CTNND2: variants seen among roughly 807,000 people sequenced by gnomAD.
CTNND2 encodes catenin delta 2.
A neutral mutation model predicts 144.4 loss-of-function variants in CTNND2; 22 were observed. The ratio of observed to expected loss-of-function variants is 0.15; its 90% CI spans 0.11 to 0.22. The LOEUF is 0.22. CTNND2 is among the 10% of genes least tolerant of loss of function. The probability of loss-of-function intolerance (pLI) is 1.00; values close to 1 mark genes in which losing one functional copy is unlikely to be tolerated. For missense variants in CTNND2, 1,353 were observed against 1,618.8 expected, an observed-to-expected ratio of 0.84 and a Z score of 2.82; for synonymous variants, 751 against 695.6, an observed-to-expected ratio of 1.08 and a Z score of -1.25.
chr5:11,600,381 A>G (rs1299694793), intron 2 of CTNND2, among the ~76,000 whole-genome samples: 1 of 152,208 alleles, frequency 6.6e-6, no homozygotes, highest in Admixed American at 6.6e-5. Flanking sequence ...TTATAGGTGA[A>G]CAATTGTACC....
chr5:11,215,043 A>G (rs1321892008), intron 10 of CTNND2, among the ~76,000 whole-genome samples: 1 of 152,120 alleles, frequency 6.6e-6, no homozygotes, highest in Non-Finnish European at 1.5e-5. Flanking sequence ...CTGTGTCCAC[A>G]GGGCTGAGAG....
At chr5:11,300,357 C>A (rs548848392) in intron 9 of CTNND2, among the ~76,000 whole-genome samples, 1 of 152,328 alleles carries the variant, frequency 6.6e-6, no homozygotes, top group South Asian at 2.1e-4. Context: ...GGAAACTATT[C>A]TGGTGGCCCT....
chr5:11,051,992 G>A (rs1018918965), intron 16 of CTNND2, among the ~76,000 whole-genome samples: 6 of 152,140 alleles, frequency 3.9e-5, no homozygotes, highest in African/African-American at 1.2e-4. Context: ...AAGCATGCAC[G>A]GTAATCCCAG....
At chr5:11,516,217 A>C (rs1325335813) in intron 3 of CTNND2, among the ~76,000 whole-genome samples, 2 of 152,176 alleles carry the variant, frequency 1.3e-5, no homozygotes, top group African/African-American at 2.4e-5. Context: ...TTATCTAATT[A>C]TAAGAAATAA....
intron 3 of CTNND2, among the ~76,000 whole-genome samples, chr5:11,503,076 T>C (rs1159106669): frequency 6.6e-6 from 1 of 152,196 alleles, no homozygotes; most frequent in Non-Finnish European, 1.5e-5. Flanking sequence ...GCAACAGAAA[T>C]GAGGCTAAAC....
chr5:11,595,703 T>C (rs1193786758), intron 2 of CTNND2, among the ~76,000 whole-genome samples: 1 of 152,222 alleles, frequency 6.6e-6, no homozygotes, highest in Non-Finnish European at 1.5e-5. Context: ...GCATACCTGA[T>C]GTTGTAAATT....
chr5:11,571,957 T>C (rs1461911425), intron 2 of CTNND2, among the ~76,000 whole-genome samples: 1 of 152,154 alleles, frequency 6.6e-6, no homozygotes, highest in Non-Finnish European at 1.5e-5. Context: ...CCTCTCAAAC[T>C]TGATGAAATA....
intron 1 of CTNND2, among the ~76,000 whole-genome samples, chr5:11,764,081 C>A (rs1347537473): frequency 6.6e-6 from 1 of 152,040 alleles, no homozygotes; most frequent in African/African-American, 2.4e-5. Flanking sequence ...TCACAGGGTC[C>A]TTATAAATGG....
chr5:11,227,799 G>A (rs1351971114), intron 10 of CTNND2, among the ~76,000 whole-genome samples: 2 of 152,142 alleles, frequency 1.3e-5, no homozygotes, highest in South Asian at 2.1e-4. Context: ...AATGATATAA[G>A]TATATTGCAA....
chr5:11,320,874 A>G (rs767579204), intron 9 of CTNND2, among the ~76,000 whole-genome samples: 6 of 152,242 alleles, frequency 3.9e-5, no homozygotes, highest in Non-Finnish European at 7.3e-5. Context: ...GCCCTGGTTA[A>G]TCTTAGAAAA....
chr5:10,986,963 CTT>C (rs1561125399), intron 20 of CTNND2, among the ~76,000 whole-genome samples: 1 of 152,258 alleles, frequency 6.6e-6, no homozygotes, highest in Non-Finnish European at 1.5e-5. Flanking sequence ...GCCTCCTGCT[CTT>C]CAGATTCCTC....
Position 10,981,798 on chromosome 5 carries a change from G to T in CTNND2, c.3392C>A (p.Pro1131His). Residue 1131 changes from proline (P) to histidine (H), a missense_variant, in exon 21 of 22, where the codon CCC becomes CAC. Physicochemically the swap from Pro to His is moderately conservative, Grantham distance 77. Coordinates refer to ENST00000304623, the MANE Select transcript of CTNND2 (RefSeq NM_001332.4). ...STLYRNSYGA[P>H]AEDIKHNQVS... is the part of the protein sequence containing the mutation. ...CTGGTTGTGTTTGATGTCTTCAGCG[G>T]GCGCACCATAAGAATTCCTATACAA... 1 of 1,614,004 alleles carries T rather than the reference G, an allele frequency of 6.2e-7. No homozygotes were observed. Among genetic ancestry groups the T allele is most frequent in the Non-Finnish European group, 8.5e-7 (1 of 1,179,952 alleles).
intron 3 of CTNND2, among the ~76,000 whole-genome samples, chr5:11,505,860 C>T (rs955734594): frequency 1.3e-5 from 2 of 152,118 alleles, no homozygotes; most frequent in African/African-American, 2.4e-5. Flanking sequence ...GGAGTAATGA[C>T]GCAGGCCCCC....
chr5:11,399,957 G>A (rs914921007), intron 5 of CTNND2, among the ~76,000 whole-genome samples: 8 of 152,230 alleles, frequency 5.3e-5, no homozygotes, highest in Middle Eastern at 6.8e-3. Flanking sequence ...TATGAAACAC[G>A]TTAAAATTTT....
intron 8 of CTNND2, among the ~76,000 whole-genome samples, chr5:11,362,215 T>C (rs1756528339): frequency 6.6e-6 from 1 of 152,204 alleles, no homozygotes; most frequent in Non-Finnish European, 1.5e-5. Context: ...TAGAATGTTT[T>C]TTTACGGCTA....
intron 3 of CTNND2, among the ~76,000 whole-genome samples, chr5:11,535,221 T>C (rs1469261960): frequency 6.6e-6 from 1 of 151,554 alleles, no homozygotes; most frequent in African/African-American, 2.4e-5. Flanking sequence ...TTATGGAACA[T>C]TCACTTATCT....
rs578098885 is a variant in CTNND2, at chr5:11,385,089, CGCG to C, written c.750_752del (p.Ala251del). The C allele has an allele frequency of 1.7e-3, 1,714 of 1,035,634 alleles. No individual in the cohort carries two copies. Among genetic ancestry groups the C allele is most frequent in the South Asian group, 8.8e-3 (217 of 24,668 alleles). The allele number at this position is 1,035,634 out of a possible 1,614,324, so 64.2% of individuals were successfully genotyped here. A position where few individuals can be genotyped will look rare whatever the true frequency, so the allele number is the denominator to read the frequency against. ...GCAGCGTGGAGCTGGAGTAGTAGAG[CGCG>C]GCGGCGGCGGCGGCGGGCGGCGCGT... is the stretch of plus-strand genomic sequence containing the variant. On this transcript the variant is annotated inframe_deletion, in exon 7 of 22. Transcript: ENST00000304623.
intron 2 of CTNND2, chr5:11,589,057 C>G: frequency 4.1e-6 from 4 of 984,498 alleles, no homozygotes; most frequent in African/African-American, 1.7e-5. Context: ...AGAGATACCA[C>G]AAGCCCAGTG....
intron 15 of CTNND2, among the ~76,000 whole-genome samples, chr5:11,087,175 A>C (rs1750247397): frequency 6.6e-6 from 1 of 152,206 alleles, no homozygotes; most frequent in Admixed American, 6.5e-5. Context: ...CTTCCAATGA[A>C]AAATACATAC....
Sources: gnomAD v4.1 joint callset for allele counts (sites outside exome capture counted in the v4.1 genomes callset) on GRCh38, gnomAD v4.1.1 for gene constraint, MANE v1.5 for transcripts, NCBI Gene and HGNC (gene_info 2026-07-23, HGNC 2026-07-21) for gene names.